Variants in PCDH7 observed in about 807,000 individuals in gnomAD.
The protein encoded by PCDH7 is protocadherin-7.
Under a neutral mutation model 58.9 loss-of-function variants are expected in PCDH7, and 17 were observed. The ratio of observed to expected loss-of-function variants is 0.29; its 90% CI spans 0.20 to 0.43. The LOEUF is 0.43. Ranked by LOEUF, PCDH7 falls within the 20% of genes least tolerant of loss-of-function variation. The probability of loss-of-function intolerance (pLI) is 1.00; values close to 1 mark genes in which losing one functional copy is unlikely to be tolerated. For synonymous variants in PCDH7, 664 were observed against 616.4 expected, an observed-to-expected ratio of 1.08 and a Z score of -1.14; for missense variants, 1,274 against 1,441.0, an observed-to-expected ratio of 0.88 and a Z score of 1.88.
chr4:30,748,531 C>T (rs1054274490), intron 1 of PCDH7, among the ~76,000 whole-genome samples: 1 of 152,150 alleles, frequency 6.6e-6, no homozygotes, highest in Admixed American at 6.6e-5. Context: ...CAGGGTCTCA[C>T]TCCTGAGATA....
At chr4:31,058,618 T>C (rs1757441376) in intron 3 of PCDH7, among the ~76,000 whole-genome samples, 1 of 152,018 alleles carries the variant, frequency 6.6e-6, no homozygotes, top group Non-Finnish European at 1.5e-5. Context: ...AATTTGACCA[T>C]TGATTTAATT....
intron 3 of PCDH7, among the ~76,000 whole-genome samples, chr4:31,117,008 A>T (rs10013484): frequency 0.56 from 85,054 of 151,812 alleles, 27,259 homozygotes; most frequent in African/African-American, 0.88. Flanking sequence ...GCTAATTTTG[A>T]ATTTTTAGAA....
chr4:30,869,067 A>G (rs1338457809), intron 1 of PCDH7: 1 of 152,086 alleles, frequency 6.6e-6, no homozygotes, highest in Admixed American at 6.6e-5. Flanking sequence ...CTTCTGTCAG[A>G]TAGCACAGAA....
At chr4:30,917,955 T>C (rs1742692413) in intron 1 of PCDH7, among the ~76,000 whole-genome samples, 1 of 152,184 alleles carries the variant, frequency 6.6e-6, no homozygotes, top group Admixed American at 6.5e-5. Context: ...TAATCATTTC[T>C]TATTTTCTGT....
chr4:30,733,403 A>G (rs1369119843), downstream of PCDH7, among the ~76,000 whole-genome samples: 2 of 152,158 alleles, frequency 1.3e-5, no homozygotes, highest in African/African-American at 4.8e-5. Context: ...TGGAATTAAT[A>G]TATTATAAAG....
chr4:30,727,212 T>G (rs569401560), intron 1 of PCDH7, among the ~76,000 whole-genome samples: 1 of 152,102 alleles, frequency 6.6e-6, no homozygotes, highest in African/African-American at 2.4e-5. Context: ...TTATTGCAGT[T>G]ATTTATTTGT....
At chr4:30,738,327 A>G (rs1027808835) in intron 1 of PCDH7, among the ~76,000 whole-genome samples, 1 of 151,946 alleles carries the variant, frequency 6.6e-6, no homozygotes, top group Non-Finnish European at 1.5e-5. Flanking sequence ...TACGCTTCCC[A>G]TTTTAAAGGA....
intron 3 of PCDH7, among the ~76,000 whole-genome samples, chr4:31,077,409 C>CAAAAAAAAAAAAAA (rs36096768): frequency 1.1e-5 from 1 of 87,992 alleles, no homozygotes. Flanking sequence ...AACTCCATCT[C>CAAAAAAAAAAAAAA]AAAAAAAAAA....
At chr4:30,817,453 G>T (rs984825754) in intron 1 of PCDH7, among the ~76,000 whole-genome samples, 12 of 152,120 alleles carry the variant, frequency 7.9e-5, no homozygotes, top group African/African-American at 2.2e-4. Flanking sequence ...TGAAACATTT[G>T]TTTCTTAATT....
chr4:31,131,530 A>G (rs1373275772), intron 3 of PCDH7, among the ~76,000 whole-genome samples: 3 of 152,166 alleles, frequency 2.0e-5, no homozygotes, highest in Non-Finnish European at 2.9e-5. Flanking sequence ...CTTCCCATGA[A>G]TGGTTTTTCA....
chr4:30,724,541 G>T, exon 1 of PCDH7: 1 of 1,614,038 alleles, frequency 6.2e-7, no homozygotes, highest in Non-Finnish European at 8.5e-7. Flanking sequence ...ATTTCAATTG[G>T]ATCAGATCAC....
intron 3 of PCDH7, among the ~76,000 whole-genome samples, chr4:31,033,723 TA>T (rs1213588024): frequency 6.6e-6 from 1 of 152,194 alleles, no homozygotes; most frequent in Non-Finnish European, 1.5e-5. Context: ...CAGTGCTTCC[TA>T]AATTTCTCAC....
intron 1 of PCDH7, among the ~76,000 whole-genome samples, chr4:30,857,365 G>A (rs1733602248): frequency 1.3e-5 from 2 of 152,042 alleles, no homozygotes; most frequent in South Asian, 4.1e-4. Context: ...CCCCTCACTC[G>A]GAGCATCTTA....
At chr4:31,062,723 CCATACAAAATGTAAT>C (rs1757785081) in intron 3 of PCDH7, among the ~76,000 whole-genome samples, 1 of 151,798 alleles carries the variant, frequency 6.6e-6, no homozygotes. Context: ...TGCCACAGGG[CCATACAAAATGTAAT>C]TTTGTGTTTC....
chr4:30,849,309 A>G (rs184133634), intron 1 of PCDH7, among the ~76,000 whole-genome samples: 437 of 152,244 alleles, frequency 2.9e-3, no homozygotes, highest in Non-Finnish European at 4.7e-3. Flanking sequence ...CAACTACCTT[A>G]AAGTTGAGAC....
chr4:30,872,193 A>C, intron 1 of PCDH7, among the ~76,000 whole-genome samples: 1 of 152,102 alleles, frequency 6.6e-6, no homozygotes, highest in East Asian at 1.9e-4. Flanking sequence ...TAATAGATTA[A>C]ATATAAAACG....
At chr4:31,072,878 G>T (rs1758669539) in intron 3 of PCDH7, among the ~76,000 whole-genome samples, 1 of 152,118 alleles carries the variant, frequency 6.6e-6, no homozygotes, top group Non-Finnish European at 1.5e-5. Flanking sequence ...TAGCAGCTGT[G>T]TAGGGGTCAT....
chr4:31,004,548 A>G (rs1752614083), intron 3 of PCDH7, among the ~76,000 whole-genome samples: 1 of 152,112 alleles, frequency 6.6e-6, no homozygotes, highest in South Asian at 2.1e-4. Flanking sequence ...CATCTCTACA[A>G]AAAATACAAA....
intron 1 of PCDH7, among the ~76,000 whole-genome samples, chr4:30,843,262 TG>T (rs1731462312): frequency 6.6e-6 from 1 of 152,054 alleles, no homozygotes; most frequent in South Asian, 2.1e-4. Flanking sequence ...AGTGCAGTGG[TG>T]CAATCTGGGC....
Sources: gnomAD v4.1 joint callset for allele counts (sites outside exome capture counted in the v4.1 genomes callset) on GRCh38, gnomAD v4.1.1 for gene constraint, MANE v1.5 for transcripts, NCBI Gene and HGNC (gene_info 2026-07-23, HGNC 2026-07-21) for gene names.